The following FMN1 variants were observed in gnomAD, a reference collection of about 807,000 sequenced individuals.
FMN1 encodes the protein formin-1.
A neutral mutation model predicts 132.4 loss-of-function variants in FMN1; 110 were observed. The ratio of observed to expected loss-of-function variants is 0.83; its 90% CI spans 0.71 to 0.97. FMN1 has a LOEUF of 0.97. Among genes scored for constraint, FMN1 ranks in the 50% least tolerant of loss-of-function variants. The probability of loss-of-function intolerance (pLI) is 0.00; values close to 1 mark genes in which losing one functional copy is unlikely to be tolerated. For synonymous variants in FMN1, 722 were observed against 651.7 expected (o/e 1.11, Z -1.64); for missense variants, 1,792 against 1,705.3 (o/e 1.05, Z -0.90).
chr15:32,982,893 G>T (rs770599673), intron 7 of FMN1, among the ~76,000 whole-genome samples: 1 of 152,016 alleles, frequency 6.6e-6, no homozygotes, highest in Non-Finnish European at 1.5e-5. Context: ...GGCCCTCCTA[G>T]ATCTCCAGTT....
At chr15:33,052,495 C>G (rs1439719471) in intron 6 of FMN1, among the ~76,000 whole-genome samples, 1 of 152,188 alleles carries the variant, frequency 6.6e-6, no homozygotes, top group Admixed American at 6.5e-5. Flanking sequence ...CTGACACCAA[C>G]CAATTCTCCA....
chr15:33,075,672 G>GA (rs920514301), intron 5 of FMN1, among the ~76,000 whole-genome samples: 50 of 149,644 alleles, frequency 3.3e-4, no homozygotes, highest in African/African-American at 8.1e-4. Context: ...TTATTTGAGA[G>GA]AAAAAAAAAA....
chr15:33,126,065 G>A (rs1484282036), intron 4 of FMN1, among the ~76,000 whole-genome samples: 2 of 152,192 alleles, frequency 1.3e-5, no homozygotes, highest in Admixed American at 6.5e-5. Context: ...TAAGGTGGAT[G>A]AAAGGGCTTT....
chr15:33,136,166 A>C (rs1963757268), intron 4 of FMN1, among the ~76,000 whole-genome samples: 1 of 152,260 alleles, frequency 6.6e-6, no homozygotes, highest in Non-Finnish European at 1.5e-5. Context: ...TGTGGTACAA[A>C]GGGAGGACAC....
intron 7 of FMN1, among the ~76,000 whole-genome samples, chr15:32,989,889 T>C (rs1191908657): frequency 6.6e-6 from 1 of 152,120 alleles, no homozygotes; most frequent in African/African-American, 2.4e-5. Context: ...CTTTTAGTTT[T>C]AGGAGAACCA....
chr15:33,128,764 A>C (rs1963381394), intron 4 of FMN1, among the ~76,000 whole-genome samples: 2 of 152,246 alleles, frequency 1.3e-5, no homozygotes, highest in South Asian at 4.1e-4. Context: ...AGCCCTTAAA[A>C]GTGGTATGGA....
chr15:32,961,989 A>G (rs934486091), intron 9 of FMN1, among the ~76,000 whole-genome samples: 17 of 152,118 alleles, frequency 1.1e-4, no homozygotes, highest in Admixed American at 9.8e-4. Flanking sequence ...CACCCCATTT[A>G]AAATTGCAGA....
At chr15:32,873,318 T>C (rs913942310) in intron 16 of FMN1, among the ~76,000 whole-genome samples, 1 of 152,190 alleles carries the variant, frequency 6.6e-6, no homozygotes, top group African/African-American at 2.4e-5. Context: ...TAGAGTTGAA[T>C]ATCAGAAACA....
At chr15:32,873,429 T>C (rs1014515496) in intron 16 of FMN1, among the ~76,000 whole-genome samples, 1 of 152,216 alleles carries the variant, frequency 6.6e-6, no homozygotes, top group African/African-American at 2.4e-5. Context: ...TATTTAAAAC[T>C]GTGCTCTCCT....
chr15:32,833,436 G>A (rs1214346148), intron 17 of FMN1, among the ~76,000 whole-genome samples: 6 of 152,086 alleles, frequency 3.9e-5, no homozygotes, highest in Non-Finnish European at 8.8e-5. Flanking sequence ...CATCAAAACA[G>A]CCCCAGCATC....
chr15:32,909,925 T>C (rs1202516333), intron 11 of FMN1, among the ~76,000 whole-genome samples: 4 of 152,090 alleles, frequency 2.6e-5, no homozygotes, highest in African/African-American at 9.7e-5. Context: ...GCTATACTGA[T>C]GATCACAACG....
intron 6 of FMN1, among the ~76,000 whole-genome samples, chr15:33,038,426 T>A (rs766311347): frequency 1.1e-4 from 16 of 152,196 alleles, no homozygotes; most frequent in Non-Finnish European, 2.2e-4. Flanking sequence ...TTTTTTTCCA[T>A]GGAATTCATT....
intron 4 of FMN1, among the ~76,000 whole-genome samples, chr15:33,100,146 T>G (rs2039238745): frequency 1.3e-5 from 2 of 151,908 alleles, no homozygotes; most frequent in Non-Finnish European, 2.9e-5. Flanking sequence ...TTTATTTAGT[T>G]TTAGTGCCTA....
At chr15:33,078,923 G>T (rs67074537) in intron 5 of FMN1, among the ~76,000 whole-genome samples, 20,522 of 152,240 alleles carry the variant, frequency 0.13, 1,577 homozygotes, top group Middle Eastern at 0.2. Flanking sequence ...AGTGAATGCA[G>T]ACAGAACCTT....
At chr15:33,127,482 TATTA>T (rs938972806) in intron 4 of FMN1, among the ~76,000 whole-genome samples, 2 of 152,184 alleles carry the variant, frequency 1.3e-5, no homozygotes, top group East Asian at 1.9e-4. Context: ...AATAGGTAAC[TATTA>T]CTTACTAAAT....
intron 4 of FMN1, among the ~76,000 whole-genome samples, chr15:33,118,126 T>C (rs1010401215): frequency 2.6e-5 from 4 of 152,216 alleles, no homozygotes; most frequent in African/African-American, 9.6e-5. Context: ...TGTATCTCTA[T>C]GGAATGCCAA....
chr15:32,836,713 A>G (rs188542794), intron 17 of FMN1, among the ~76,000 whole-genome samples: 38 of 152,290 alleles, frequency 2.5e-4, no homozygotes, highest in Admixed American at 2.2e-3. Context: ...TTTAGAATGC[A>G]AAGTATTTTC....
At chr15:33,091,435 G>A (rs1273379503) in intron 4 of FMN1, among the ~76,000 whole-genome samples, 1 of 152,156 alleles carries the variant, frequency 6.6e-6, no homozygotes, top group African/African-American at 2.4e-5. Flanking sequence ...TCTGGAAATG[G>A]TTTTAGTTTT....
chr15:32,882,247 CA>C (rs1455433725), intron 16 of FMN1, among the ~76,000 whole-genome samples: 1 of 152,158 alleles, frequency 6.6e-6, no homozygotes, highest in Non-Finnish European at 1.5e-5. Context: ...GGTGAGCCTG[CA>C]AACTGTAAAG....
Sources: gnomAD v4.1 joint callset for allele counts (sites outside exome capture counted in the v4.1 genomes callset) on GRCh38, gnomAD v4.1.1 for gene constraint, MANE v1.5 for transcripts, NCBI Gene and HGNC (gene_info 2026-07-23, HGNC 2026-07-21) for gene names.